INSR: variants seen among roughly 807,000 people sequenced by gnomAD.
INSR encodes insulin receptor.
A neutral mutation model predicts 142.6 loss-of-function variants in INSR; 67 were observed. That is an observed-to-expected ratio of 0.47 (90% confidence interval 0.39 to 0.58). The LOEUF is 0.58. Among genes scored for constraint, INSR ranks in the 20% least tolerant of loss-of-function variants. The pLI, the probability that INSR is intolerant of heterozygous loss-of-function variation, is 0.00. For missense variants in INSR, 1,248 were observed against 1,833.2 expected (o/e 0.68, Z 5.83); for synonymous variants, 756 against 743.1 (o/e 1.02, Z -0.28).
chr19:7,284,366 G>A (rs904181682), intron 1 of INSR, among the ~76,000 whole-genome samples: 38 of 151,934 alleles, frequency 2.5e-4, no homozygotes, highest in African/African-American at 9.2e-4. Flanking sequence ...GCCCCGCCAC[G>A]CTGCCTTTTC....
At chr19:7,157,233 C>G in intron 9 of INSR, among the ~76,000 whole-genome samples, 1 of 152,056 alleles carries the variant, frequency 6.6e-6, no homozygotes, top group Non-Finnish European at 1.5e-5. Flanking sequence ...CCCGCCTCAG[C>G]CTCCCAAAGT....
chr19:7,129,049 C>A, intron 14 of INSR, 95 bp from the exon 15 acceptor site: 1 of 920,238 alleles, frequency 1.1e-6, no homozygotes, highest in South Asian at 1.3e-5. Flanking sequence ...GGGTGGGCCA[C>A]CCTGTTCCTT....
chr19:7,175,471 A>C (rs981455826), intron 3 of INSR, among the ~76,000 whole-genome samples: 3 of 152,068 alleles, frequency 2.0e-5, no homozygotes, highest in Non-Finnish European at 4.4e-5. Flanking sequence ...ATTGGAGGAT[A>C]TTGAGCGGCA....
At chr19:7,183,567 G>C (rs1392596588) in intron 3 of INSR, among the ~76,000 whole-genome samples, 1 of 152,084 alleles carries the variant, frequency 6.6e-6, no homozygotes, top group Non-Finnish European at 1.5e-5. Context: ...GAGACAGTAT[G>C]TTCTGGGCTA....
chr19:7,217,353 C>A lies in INSR; in HGVS notation c.653-32716G>T, dbSNP rs1028320793. Among the ~76,000 whole-genome samples the A allele has an allele frequency of 7.6e-4, 116 of 151,998 alleles. 1 individual carries two copies. The highest frequency in any genetic ancestry group is 1.5e-3 in the Admixed American group (23 of 15,244). On this transcript the variant is annotated intron_variant, in intron 2 of 21. Coordinates refer to ENST00000302850, the MANE Select transcript of INSR (RefSeq NM_000208.4). ...GTGCACCAGATAATCTAGGATCATCCCCCCGTCTCAAGATCCTCAACTTAA... is the reference window on the plus strand; with the variant it reads ...GTGCACCAGATAATCTAGGATCATCACCCCGTCTCAAGATCCTCAACTTAA...
At chr19:7,282,383 A>G (rs1445393267) in intron 1 of INSR, among the ~76,000 whole-genome samples, 1 of 149,822 alleles carries the variant, frequency 6.7e-6, no homozygotes, top group East Asian at 2.0e-4. Flanking sequence ...AGTAATAATA[A>G]TAATAATCCT....
intron 2 of INSR, among the ~76,000 whole-genome samples, chr19:7,191,413 C>T (rs893030119): frequency 3.3e-5 from 5 of 151,936 alleles, no homozygotes; most frequent in African/African-American, 4.8e-5. Context: ...GCCACTGCAC[C>T]CCCTAGCTGA....
At chr19:7,160,632 A>T (rs749028254) in intron 9 of INSR, among the ~76,000 whole-genome samples, 18 of 151,920 alleles carry the variant, frequency 1.2e-4, no homozygotes, top group Non-Finnish European at 5.9e-5. Flanking sequence ...CTTAAAAAAG[A>T]AGAAGAAAAA....
intron 2 of INSR, among the ~76,000 whole-genome samples, chr19:7,238,141 C>A (rs1051193421): frequency 3.3e-5 from 5 of 152,062 alleles, no homozygotes; most frequent in African/African-American, 1.2e-4. Flanking sequence ...AATGTAGAAT[C>A]ATAAAGTAAA....
chr19:7,202,431 T>C (rs1974986992), intron 2 of INSR, among the ~76,000 whole-genome samples: 1 of 152,204 alleles, frequency 6.6e-6, no homozygotes, highest in Non-Finnish European at 1.5e-5. Flanking sequence ...TCAAATAGTC[T>C]ATCCTTGCAG....
At chr19:7,242,406 G>T (rs1976381044) in intron 2 of INSR, among the ~76,000 whole-genome samples, 1 of 152,050 alleles carries the variant, frequency 6.6e-6, no homozygotes. Context: ...TTCATTTTAT[G>T]TGTGACTTTT....
At chr19:7,253,124 T>C (rs963302320) in intron 2 of INSR, among the ~76,000 whole-genome samples, 1 of 129,878 alleles carries the variant, frequency 7.7e-6, no homozygotes, top group Admixed American at 8.0e-5. Context: ...AAAAAAAAAA[T>C]AGAAGAAGCC....
At chr19:7,277,692 G>A (rs1210763539) in intron 1 of INSR, among the ~76,000 whole-genome samples, 3 of 152,114 alleles carry the variant, frequency 2.0e-5, no homozygotes, top group Admixed American at 1.3e-4. Context: ...GGCTACTCAG[G>A]AGGCTTAGGC....
At chr19:7,211,581 C>A (rs979840845) in intron 2 of INSR, among the ~76,000 whole-genome samples, 1 of 152,084 alleles carries the variant, frequency 6.6e-6, no homozygotes, top group Non-Finnish European at 1.5e-5. Context: ...ATTAAATTGA[C>A]TAACAACAAA....
chr19:7,208,164 G>A (rs1027962513), intron 2 of INSR, among the ~76,000 whole-genome samples: 5 of 152,194 alleles, frequency 3.3e-5, no homozygotes, highest in East Asian at 1.9e-4. Flanking sequence ...CTCATGCCAC[G>A]TAACTATTCT....
At chr19:7,240,625 C>A (rs1413845870) in intron 2 of INSR, among the ~76,000 whole-genome samples, 1 of 152,058 alleles carries the variant, frequency 6.6e-6, no homozygotes, top group Non-Finnish European at 1.5e-5. Flanking sequence ...AACCCAAAAT[C>A]CAAAATCTTA....
chr19:7,211,918 C>G (rs1179302935), intron 2 of INSR, among the ~76,000 whole-genome samples: 2 of 140,854 alleles, frequency 1.4e-5, no homozygotes, highest in Admixed American at 6.8e-5. Flanking sequence ...GAATTCAACA[C>G]CTGGTAATGC....
intron 1 of INSR, among the ~76,000 whole-genome samples, chr19:7,269,210 T>TAAA (rs11395249): frequency 3.1e-5 from 4 of 130,972 alleles, no homozygotes; most frequent in African/African-American, 1.1e-4. Context: ...GTAAATCCTC[T>TAAA]AAAAAAAAAA....
intron 2 of INSR, among the ~76,000 whole-genome samples, chr19:7,201,277 G>A (rs1439565304): frequency 6.6e-6 from 1 of 152,118 alleles, no homozygotes; most frequent in Non-Finnish European, 1.5e-5. Context: ...AGTAACACTT[G>A]AATCAGTAAA....
Sources: gnomAD v4.1 joint callset for allele counts (sites outside exome capture counted in the v4.1 genomes callset) on GRCh38, gnomAD v4.1.1 for gene constraint, MANE v1.5 for transcripts, NCBI Gene and HGNC (gene_info 2026-07-23, HGNC 2026-07-21) for gene names.